MOXD1: variants seen among roughly 807,000 people sequenced by gnomAD.
The protein encoded by MOXD1 is monooxygenase DBH like 1, also known as DBH-like monooxygenase protein 1.
Under a neutral mutation model 66.6 loss-of-function variants are expected in MOXD1, and 62 were observed. The observed-to-expected ratio is 0.93, with a 90% confidence interval of 0.76 to 1.15. The LOEUF is 1.15. Among genes scored for constraint, MOXD1 ranks in the 50% most tolerant of loss-of-function variants. The pLI is 0.00. For synonymous variants in MOXD1, 303 were observed against 281.9 expected (o/e 1.07, Z -0.75); for missense variants, 847 against 754.6 (o/e 1.12, Z -1.44).
At chr6:132,357,387 G>A (rs1775928651) in intron 4 of MOXD1, among the ~76,000 whole-genome samples, 2 of 152,080 alleles carry the variant, frequency 1.3e-5, no homozygotes, top group Admixed American at 1.3e-4. Context: ...TAATTCAACT[G>A]TGAATCTTAC....
At position 132,401,263 on chromosome 6, in the gene MOXD1, C is replaced by T. The variant is rs762973007; in HGVS notation, c.164G>A (p.Arg55His). Reference sequence around the variant, plus strand: ...GCCGAAGCCCACGTAGCCTGCAGTGCGCACCTGGAGGCGGAAGGCGATCTG... The same window carrying T: ...GCCGAAGCCCACGTAGCCTGCAGTGTGCACCTGGAGGCGGAAGGCGATCTG... ...GSQIAFRLQV[R>H]TAGYVGFGFS... Residue 55 changes from arginine to histidine, a missense_variant, in exon 1 of 12, where the codon CGC (arginine) becomes CAC (histidine). Arg to His is a conservative substitution (Grantham distance 29). Coordinates refer to ENST00000367963, the MANE Select transcript of MOXD1 (RefSeq NM_015529.4). 5 of 1,596,432 alleles carry T rather than the reference C, an allele frequency of 3.1e-6. No individual in the cohort carries two copies. The highest frequency in any genetic ancestry group is 2.3e-5 in the East Asian group (1 of 44,120).
intron 10 of MOXD1, among the ~76,000 whole-genome samples, chr6:132,307,102 G>C (rs1774709828): frequency 6.6e-6 from 1 of 152,124 alleles, no homozygotes; most frequent in Non-Finnish European, 1.5e-5. Flanking sequence ...AGACCCATCA[G>C]TGTGCTATAT....
chr6:132,309,068 G>C (rs887613644), intron 10 of MOXD1, among the ~76,000 whole-genome samples: 1 of 152,146 alleles, frequency 6.6e-6, no homozygotes, highest in Non-Finnish European at 1.5e-5. Context: ...TAGGAAGAGA[G>C]GAAGTCAAAT....
chr6:132,381,373 A>C (rs1776505251), intron 1 of MOXD1, among the ~76,000 whole-genome samples: 1 of 152,316 alleles, frequency 6.6e-6, no homozygotes, highest in South Asian at 2.1e-4. Context: ...ACACAGCCTT[A>C]ATGCTGTCAA....
chr6:132,359,488 CT>C (rs568516620), intron 4 of MOXD1, among the ~76,000 whole-genome samples: 81 of 129,518 alleles, frequency 6.3e-4, no homozygotes, highest in Admixed American at 1.0e-3. Context: ...TTTTCTTTTT[CT>C]TTTTTTTTTT....
chr6:132,357,086 A>AT (rs1190759116), intron 4 of MOXD1, among the ~76,000 whole-genome samples: 2 of 152,114 alleles, frequency 1.3e-5, no homozygotes, highest in African/African-American at 4.8e-5. Flanking sequence ...ATGATGAGAG[A>AT]TAAAAACTCA....
intron 4 of MOXD1, among the ~76,000 whole-genome samples, chr6:132,367,453 C>T (rs1412934291): frequency 6.6e-6 from 1 of 152,014 alleles, no homozygotes; most frequent in African/African-American, 2.4e-5. Flanking sequence ...TCACCATTTT[C>T]CAGAGGAGGA....
intron 7 of MOXD1, 75 bp downstream of exon 7, chr6:132,323,856 G>A (rs867894951): frequency 2.1e-5 from 30 of 1,411,714 alleles, no homozygotes; most frequent in Middle Eastern, 1.9e-4. Context: ...AAACATGTGC[G>A]GAATTTTTCA....
At chr6:132,335,590 G>A (rs993047594) in intron 4 of MOXD1, among the ~76,000 whole-genome samples, 1 of 152,218 alleles carries the variant, frequency 6.6e-6, no homozygotes, top group Non-Finnish European at 1.5e-5. Context: ...AGCTGGAAGA[G>A]GCAAGGAAGG....
chr6:132,299,011 T>A (rs1175466056), intron 10 of MOXD1, among the ~76,000 whole-genome samples: 1 of 152,154 alleles, frequency 6.6e-6, no homozygotes, highest in Non-Finnish European at 1.5e-5. Context: ...AGCAAAGACA[T>A]GGAATCAACC....
Position 132,401,324 on chromosome 6 carries a change from C to A in MOXD1, c.103G>T (p.Gly35Cys). The A allele has an allele frequency of 6.3e-7, 1 of 1,589,688 alleles. No homozygotes were observed. Among genetic ancestry groups the A allele is most frequent in the South Asian group, 1.1e-5 (1 of 88,122 alleles). Residue 35 changes from glycine to cysteine, a missense_variant, in exon 1 of 12, where the codon GGC becomes TGC. Gly to Cys is a radical substitution (Grantham distance 159). Coordinates refer to ENST00000367963, the MANE Select transcript of MOXD1 (RefSeq NM_015529.4). ...YPHRTLLDSEGKYWLGWSQRG... is the reference protein window; with the variant it reads ...YPHRTLLDSECKYWLGWSQRG... ...TGGCTCCAGCCCAGCCAGTACTTGCCCTCCGAGTCCAGGAGGGTCCGGTGC... is the reference window on the plus strand; with the variant it reads ...TGGCTCCAGCCCAGCCAGTACTTGCACTCCGAGTCCAGGAGGGTCCGGTGC...
intron 10 of MOXD1, among the ~76,000 whole-genome samples, chr6:132,309,336 G>A (rs1774771191): frequency 6.6e-6 from 1 of 152,088 alleles, no homozygotes; most frequent in African/African-American, 2.4e-5. Flanking sequence ...CCTCTTTAAG[G>A]AGAACTATCA....
At chr6:132,326,758 A>G (rs1368003133) in intron 6 of MOXD1, among the ~76,000 whole-genome samples, 2 of 152,194 alleles carry the variant, frequency 1.3e-5, no homozygotes, top group African/African-American at 2.4e-5. Flanking sequence ...AAGTGAATTC[A>G]GAGAGAAACT....
chr6:132,374,918 C>T, intron 1 of MOXD1, 141 bp from the exon 2 acceptor site: 1 of 811,648 alleles, frequency 1.2e-6, no homozygotes, highest in Non-Finnish European at 1.9e-6. Context: ...AGTATTCCAA[C>T]TGGGGAATCA....
chr6:132,297,304 G>A lies in MOXD1; in HGVS notation c.1691C>T (p.Thr564Ile). The change falls in exon 12 of 12, where the codon ACA becomes ATA. Residue 564 changes from threonine to isoleucine, a missense_variant. By Grantham distance (89) the Thr-to-Ile change is moderately conservative. Transcript: ENST00000367963. ...TCTTTCTATATCTGGAGGTAATGCT[G>A]TCATTCCTTGAATCTGAAAATGGAA... ...DNAEWSIQGM[T>I]ALPPDIERPY... The A allele has an allele frequency of 1.9e-6, 3 of 1,612,508 alleles. No homozygotes were observed. The highest frequency in any genetic ancestry group is 2.5e-6 in the Non-Finnish European group (3 of 1,179,198).
intron 1 of MOXD1, among the ~76,000 whole-genome samples, chr6:132,393,759 T>A (rs1445446268): frequency 1.3e-5 from 2 of 152,176 alleles, no homozygotes; most frequent in Admixed American, 1.3e-4. Flanking sequence ...TGCACCTCCA[T>A]ATCCCTGGAG....
intron 10 of MOXD1, among the ~76,000 whole-genome samples, chr6:132,314,544 C>T (rs1049008151): frequency 2.0e-5 from 3 of 152,216 alleles, no homozygotes; most frequent in African/African-American, 7.2e-5. Context: ...TTATTCTCTA[C>T]CATACTTCAC....
chr6:132,328,055 C>T lies in MOXD1; in HGVS notation c.904G>A (p.Val302Met). The T allele has an allele frequency of 1.2e-6, 2 of 1,613,872 alleles. No homozygotes were observed. Among genetic ancestry groups the T allele is most frequent in the Non-Finnish European group, 1.7e-6 (2 of 1,179,850 alleles). Reference sequence around the variant, plus strand: ...TTATCATAATGGACTTCTAGGAGCACATAATGCGGATCTAATGGAGTGCCA... The same window carrying T: ...TTATCATAATGGACTTCTAGGAGCATATAATGCGGATCTAATGGAGTGCCA... ...SLGTPLDPHYVLLEVHYDNPT... is the reference protein window; with the variant it reads ...SLGTPLDPHYMLLEVHYDNPT... Residue 302 changes from valine to methionine, a missense_variant, in exon 6 of 12, where the codon GTG becomes ATG. Physicochemically the swap from Val to Met is conservative, Grantham distance 21. Transcript: ENST00000367963.
chr6:132,302,075 C>T (rs538239119), intron 10 of MOXD1, among the ~76,000 whole-genome samples: 3 of 152,206 alleles, frequency 2.0e-5, no homozygotes, highest in African/African-American at 7.2e-5. Flanking sequence ...TAAGGATCCT[C>T]TGAGTCAGTA....
Sources: allele counts gnomAD v4.1 joint callset (sites outside exome capture counted in the v4.1 genomes callset), GRCh38; gene constraint gnomAD v4.1.1; transcripts MANE v1.5; gene names NCBI Gene and HGNC (gene_info 2026-07-23, HGNC 2026-07-21).